POT1: variants seen among roughly 807,000 people sequenced by gnomAD.
The protein encoded by POT1 is protection of telomeres 1.
A neutral mutation model predicts 78.5 loss-of-function variants in POT1; 47 were observed. The ratio of observed to expected loss-of-function variants is 0.60; its 90% confidence interval spans 0.47 to 0.76. The LOEUF is 0.76. POT1 is among the 30% of genes least tolerant of loss of function. POT1 has a pLI of 0.00. For synonymous variants in POT1, 259 were observed against 260.7 expected (o/e 0.99, Z 0.06); for missense variants, 646 against 749.9 (o/e 0.86, Z 1.62).
intron 6 of POT1, among the ~76,000 whole-genome samples, chr7:124,887,005 G>A (rs535610545): frequency 1.3e-5 from 2 of 152,074 alleles, no homozygotes; most frequent in African/African-American, 4.8e-5. Context: ...TTATTCCTAA[G>A]TTTGGTGGGC....
In POT1 at chr7:124,827,354, T is replaced by G. The variant is rs1794656573; in HGVS notation, c.1595-49A>C. 4 of 1,090,302 alleles carry G rather than the reference T, an allele frequency of 3.7e-6. No individual in the cohort carries two copies. The East Asian group carries it at 1.0e-4, about 28-fold the overall frequency. The allele number at this position is 1,090,302 out of a possible 1,614,324, so 67.5% of individuals were successfully genotyped here. On this transcript the variant is annotated intron_variant, in intron 16 of 18. Transcript: ENST00000357628. Reference sequence around the variant, plus strand: ...ACCATATGAGTCTGCTATTCCTTATTATCAAGGTAAAGTTAAAATTGTTTT... The same window carrying G: ...ACCATATGAGTCTGCTATTCCTTATGATCAAGGTAAAGTTAAAATTGTTTT...
At chr7:124,921,773 TCA>T (rs1381788452) in intron 2 of POT1, among the ~76,000 whole-genome samples, 1 of 151,960 alleles carries the variant, frequency 6.6e-6, no homozygotes, top group Non-Finnish European at 1.5e-5. Flanking sequence ...GAACAGAATC[TCA>T]GAGATCCGTG....
chr7:124,902,496 G>A (rs755994082), intron 3 of POT1, among the ~76,000 whole-genome samples: 34 of 152,124 alleles, frequency 2.2e-4, no homozygotes, highest in Non-Finnish European at 5.0e-4. Context: ...GTCACCACCA[G>A]ACCTGCCTTA....
At chr7:124,893,937 G>C (rs1365557386) in intron 5 of POT1, among the ~76,000 whole-genome samples, 2 of 151,376 alleles carry the variant, frequency 1.3e-5, no homozygotes, top group Non-Finnish European at 3.0e-5. Flanking sequence ...TAACACATCA[G>C]GTAGCGAGCT....
chr7:124,840,462 T>G (rs918025846), intron 14 of POT1, among the ~76,000 whole-genome samples: 1 of 151,990 alleles, frequency 6.6e-6, no homozygotes, highest in Admixed American at 6.5e-5. Context: ...ATATTTTAGA[T>G]AAATGAGATA....
At chr7:124,878,458 T>A (rs1211835056) in intron 6 of POT1, among the ~76,000 whole-genome samples, 1 of 152,216 alleles carries the variant, frequency 6.6e-6, no homozygotes. Flanking sequence ...ATTGCATATT[T>A]CAAAATTGCA....
intron 8 of POT1, 45 bp downstream of exon 8, chr7:124,863,305 G>A: frequency 6.5e-7 from 1 of 1,537,828 alleles, no homozygotes. Context: ...TTACAGACAT[G>A]TAAGTGGTGC....
intron 10 of POT1, among the ~76,000 whole-genome samples, chr7:124,852,384 T>C (rs1795332365): frequency 6.6e-6 from 1 of 152,196 alleles, no homozygotes; most frequent in Non-Finnish European, 1.5e-5. Flanking sequence ...ATGTTTTCTC[T>C]TTGAAGATAT....
chr7:124,846,007 C>A (rs777111568), intron 12 of POT1, among the ~76,000 whole-genome samples: 5 of 152,078 alleles, frequency 3.3e-5, no homozygotes, highest in Non-Finnish European at 7.4e-5. Flanking sequence ...CAGAAATCTG[C>A]TGTTTCACCA....
chr7:124,828,188 C>CTGCA (rs1562974092), intron 16 of POT1, among the ~76,000 whole-genome samples: 2 of 151,804 alleles, frequency 1.3e-5, no homozygotes, highest in Non-Finnish European at 2.9e-5. Context: ...AGTTAAATAC[C>CTGCA]GTTTTAGCAT....
At chr7:124,907,429 C>G (rs1796791658) in intron 3 of POT1, among the ~76,000 whole-genome samples, 1 of 152,022 alleles carries the variant, frequency 6.6e-6, no homozygotes, top group Non-Finnish European at 1.5e-5. Flanking sequence ...ATTAACTTAA[C>G]TGCTTCACCC....
chr7:124,846,249 A>G (rs993759711), intron 12 of POT1, among the ~76,000 whole-genome samples: 1 of 152,150 alleles, frequency 6.6e-6, no homozygotes, highest in African/African-American at 2.4e-5. Flanking sequence ...ACACAGCTAC[A>G]TCGACTTCTG....
At chr7:124,830,113 A>G (rs1256918617) in intron 15 of POT1, among the ~76,000 whole-genome samples, 5 of 152,198 alleles carry the variant, frequency 3.3e-5, no homozygotes. Flanking sequence ...TAGTAAGCAC[A>G]TATCCAGAGG....
chr7:124,896,125 T>C (rs1796485934), intron 5 of POT1, among the ~76,000 whole-genome samples: 2 of 151,670 alleles, frequency 1.3e-5, no homozygotes, highest in South Asian at 2.1e-4. Flanking sequence ...AGTAACTCCG[T>C]TTTCTTGATA....
chr7:124,920,645 A>G (rs940294279), intron 2 of POT1, among the ~76,000 whole-genome samples: 1 of 140,264 alleles, frequency 7.1e-6, no homozygotes, highest in East Asian at 2.1e-4. Context: ...CAGATATGTA[A>G]AAGAACACAA....
At chr7:124,824,864 A>G (rs2301931) in intron 18 of POT1, among the ~76,000 whole-genome samples, 50,027 of 151,630 alleles carry the variant, frequency 0.33, 8,899 homozygotes, top group African/African-American at 0.46. Flanking sequence ...ACTAGTTAAC[A>G]ATAAATAAAA....
intron 3 of POT1, chr7:124,900,847 T>G (rs955400925): frequency 1.3e-5 from 5 of 389,800 alleles, no homozygotes; most frequent in Admixed American, 1.3e-4. Flanking sequence ...ACCAGGAGAT[T>G]ATATCCCATG....
At chr7:124,873,571 T>C (rs74637275) in intron 6 of POT1, among the ~76,000 whole-genome samples, 2,270 of 152,280 alleles carry the variant, frequency 0.015, 32 homozygotes, top group Non-Finnish European at 0.022. Flanking sequence ...TTTTATTGTG[T>C]CTTTGTCTGT....
intron 14 of POT1, among the ~76,000 whole-genome samples, chr7:124,839,900 A>G (rs547183942): frequency 3.4e-4 from 52 of 152,058 alleles, no homozygotes; most frequent in East Asian, 2.3e-3. Flanking sequence ...CAAAGTCCAC[A>G]CTTTACATTA....
Sources: allele counts gnomAD v4.1 joint callset (sites outside exome capture counted in the v4.1 genomes callset), GRCh38; gene constraint gnomAD v4.1.1; transcripts MANE v1.5; gene names NCBI Gene and HGNC (gene_info 2026-07-23, HGNC 2026-07-21).